Variants in LRRIQ1 observed in about 807,000 individuals in gnomAD.
The protein encoded by LRRIQ1 is leucine-rich repeat- and IQ domain-containing protein 1.
In LRRIQ1, 210 loss-of-function variants were observed where a neutral mutation model predicts 211.9. The observed-to-expected ratio is 0.99, with a 90% CI of 0.89 to 1.11. The LOEUF is 1.11. Ranked by LOEUF, LRRIQ1 falls within the 50% of genes most tolerant of loss-of-function variation. LRRIQ1 has a pLI of 0.00. For synonymous variants in LRRIQ1, 699 were observed against 650.1 expected (o/e 1.08, Z -1.14); for missense variants, 2,136 against 1,939.5 (o/e 1.10, Z -1.90).
At chr12:85,215,331 A>G (rs1295944669) in intron 24 of LRRIQ1, among the ~76,000 whole-genome samples, 2 of 152,196 alleles carry the variant, frequency 1.3e-5, no homozygotes, top group Non-Finnish European at 2.9e-5. Context: ...AGCCTTGCAC[A>G]AGGATAGTCA....
chr12:85,084,794 C>T (rs777885045), intron 11 of LRRIQ1, among the ~76,000 whole-genome samples: 3 of 151,682 alleles, frequency 2.0e-5, no homozygotes, highest in Non-Finnish European at 2.9e-5. Context: ...GGCATGGTGG[C>T]GCATGCCTGT....
At chr12:85,068,918 CTTAT>C (rs534816604) in intron 10 of LRRIQ1, among the ~76,000 whole-genome samples, 55 of 149,854 alleles carry the variant, frequency 3.7e-4, no homozygotes, top group East Asian at 3.5e-3. Context: ...CCTGTATTTT[CTTAT>C]TTATTTATTT....
chr12:85,271,027 G>A, the LRRIQ1 span, among the ~76,000 whole-genome samples: 3 of 152,176 alleles, frequency 2.0e-5, no homozygotes, highest in Admixed American at 6.5e-5. Flanking sequence ...GTTATTTGAC[G>A]GAAGACACTC....
intron 15 of LRRIQ1, among the ~76,000 whole-genome samples, chr12:85,107,011 A>G (rs1228058642): frequency 6.6e-6 from 1 of 152,042 alleles, no homozygotes; most frequent in Non-Finnish European, 1.5e-5. Context: ...TTATTTTCCT[A>G]ATAGAGAAGG....
rs778929830 is a variant in LRRIQ1, at chr12:85,212,749, A to G, written c.4823-16768A>G. On this transcript the variant is annotated intron_variant, in intron 24 of 26. Transcript: ENST00000393217. ...TATGTTCCATAAATATATGGAATAT[A>G]TTTATAATACGTATCGAATATATAT... Among the ~76,000 whole-genome samples the G allele has an allele frequency of 8.3e-4, 124 of 149,596 alleles. 2 individuals are homozygous for G. Among genetic ancestry groups the G allele is most frequent in the Admixed American group, 2.7e-4 (4 of 14,912 alleles).
At chr12:85,064,746 G>A (rs1002425201) in intron 8 of LRRIQ1, among the ~76,000 whole-genome samples, 2 of 151,716 alleles carry the variant, frequency 1.3e-5, no homozygotes, top group African/African-American at 4.8e-5. Context: ...TCTGCATATG[G>A]ATATCCAGTG....
At chr12:85,080,219 T>C (rs1018194392) in intron 11 of LRRIQ1, among the ~76,000 whole-genome samples, 3 of 152,032 alleles carry the variant, frequency 2.0e-5, no homozygotes, top group Admixed American at 6.6e-5. Context: ...TATAATTTTC[T>C]TTTTCCATTT....
intron 11 of LRRIQ1, among the ~76,000 whole-genome samples, chr12:85,087,643 G>C (rs2136208131): frequency 6.6e-6 from 1 of 152,264 alleles, no homozygotes; most frequent in Admixed American, 6.5e-5. Context: ...ATTCTAACTG[G>C]TGTGAGATAG....
At chr12:85,162,735 T>G (rs1289722130) in intron 24 of LRRIQ1, 1 of 456,008 alleles carries the variant, frequency 2.2e-6, no homozygotes, top group Non-Finnish European at 4.4e-6. Context: ...GATGTGATGT[T>G]CTATGATTTT....
At chr12:85,102,753 GT>G (rs1282201821) in intron 13 of LRRIQ1, among the ~76,000 whole-genome samples, 6 of 151,102 alleles carry the variant, frequency 4.0e-5, no homozygotes, top group African/African-American at 1.5e-4. Flanking sequence ...CAGTGAGTTT[GT>G]AGAAATAAAG....
chr12:85,256,197 A>G (rs575298331), intron 1 of LRRIQ1, among the ~76,000 whole-genome samples: 1 of 151,686 alleles, frequency 6.6e-6, no homozygotes, highest in Non-Finnish European at 1.5e-5. Flanking sequence ...TAAGAGAACT[A>G]GTTGTACATA....
downstream of LRRIQ1, among the ~76,000 whole-genome samples, chr12:85,247,729 G>A (rs1244630814): frequency 1.3e-5 from 2 of 151,548 alleles, no homozygotes; most frequent in African/African-American, 2.4e-5. Context: ...TGTATGTTTG[G>A]TAATTCTCTT....
chr12:85,149,703 G>A (rs1000019008), intron 19 of LRRIQ1, among the ~76,000 whole-genome samples: 1 of 149,956 alleles, frequency 6.7e-6, no homozygotes, highest in Non-Finnish European at 1.5e-5. Context: ...ATAAGCTTGA[G>A]TACATATAAA....
chr12:85,247,136 G>T (rs529504384), downstream of LRRIQ1, among the ~76,000 whole-genome samples: 1 of 151,452 alleles, frequency 6.6e-6, no homozygotes, highest in Non-Finnish European at 1.5e-5. Flanking sequence ...TGATCTAATT[G>T]GTTCAGCTTA....
In LRRIQ1 at chr12:85,072,947, A is replaced by T. The variant is rs753581644; in HGVS notation, c.2736A>T (p.Ala912=). 6 of 1,611,760 alleles carry T rather than the reference A, an allele frequency of 3.7e-6. No individual in the cohort carries two copies. The South Asian group carries it at 6.6e-5, about 18-fold the overall frequency. The change falls in exon 11 of 27, where the codon GCA becomes GCT. Residue 912 remains alanine, a synonymous_variant. Transcript: ENST00000393217. Reference sequence around the variant, plus strand: ...TGGAAGAAAAACTTGTTGACAATGCAGGGTTCTGCCATCACTTGGGCACCT... The same window carrying T: ...TGGAAGAAAAACTTGTTGACAATGCTGGGTTCTGCCATCACTTGGGCACCT... ...FFLEEKLVDN[A]GFCHHLGTST...
chr12:85,261,852 C>T (rs1433859648), intron 1 of LRRIQ1, among the ~76,000 whole-genome samples: 2 of 151,700 alleles, frequency 1.3e-5, no homozygotes, highest in African/African-American at 2.4e-5. Context: ...TGCAATGGCA[C>T]GATCTCGGCT....
chr12:85,076,693 T>A (rs1325069180), intron 11 of LRRIQ1: 6 of 224,192 alleles, frequency 2.7e-5, no homozygotes, highest in African/African-American at 1.4e-4. Context: ...TTTCAAATAT[T>A]GTCTTTGAAT....
chr12:85,216,291 T>G (rs899523916), intron 24 of LRRIQ1, among the ~76,000 whole-genome samples: 8 of 152,090 alleles, frequency 5.3e-5, no homozygotes, highest in African/African-American at 1.7e-4. Context: ...TTCCTGTGTT[T>G]GTTGAGAATG....
At chr12:85,106,394 C>T in intron 14 of LRRIQ1, 128 bp from the exon 15 acceptor site, 1 of 638,816 alleles carries the variant, frequency 1.6e-6, no homozygotes, top group Middle Eastern at 3.9e-4. Context: ...AAGCATATAG[C>T]ATTCTGCAGA....
Sources: allele counts gnomAD v4.1 joint callset (sites outside exome capture counted in the v4.1 genomes callset), GRCh38; gene constraint gnomAD v4.1.1; transcripts MANE v1.5; gene names NCBI Gene and HGNC (gene_info 2026-07-23, HGNC 2026-07-21).